KIAA0825: variants seen among roughly 807,000 people sequenced by gnomAD.
KIAA0825 encodes the protein uncharacterized protein KIAA0825.
Under a neutral mutation model 147.6 loss-of-function variants are expected in KIAA0825, and 119 were observed. The observed-to-expected ratio is 0.81, with a 90% CI of 0.69 to 0.94. The LOEUF is 0.94. Among genes scored for constraint, KIAA0825 ranks in the 40% least tolerant of loss-of-function variants. The pLI is 0.00. For missense variants in KIAA0825, 1,381 were observed against 1,472.7 expected, an observed-to-expected ratio of 0.94 and a Z score of 1.02; for synonymous variants, 470 against 518.1, an observed-to-expected ratio of 0.91 and a Z score of 1.26.
chr5:94,609,808 C>T (rs929757355), intron 1 of KIAA0825, among the ~76,000 whole-genome samples: 1 of 151,924 alleles, frequency 6.6e-6, no homozygotes, highest in African/African-American at 2.4e-5. Flanking sequence ...AGCCAGATTT[C>T]ATCTCAAAAA....
intron 20 of KIAA0825, among the ~76,000 whole-genome samples, chr5:94,374,588 A>G (rs953864790): frequency 2.0e-5 from 3 of 152,134 alleles, no homozygotes; most frequent in African/African-American, 7.2e-5. Context: ...CAAGCTGTTT[A>G]TAGCCAGTGT....
intron 20 of KIAA0825, among the ~76,000 whole-genome samples, chr5:94,267,015 C>T (rs1776765698): frequency 6.6e-6 from 1 of 152,038 alleles, no homozygotes; most frequent in Non-Finnish European, 1.5e-5. Context: ...ATAAAGGAAG[C>T]AAGGAAGGTG....
chr5:94,588,066 G>T (rs544101754), intron 1 of KIAA0825, among the ~76,000 whole-genome samples: 1 of 152,266 alleles, frequency 6.6e-6, no homozygotes, highest in East Asian at 1.9e-4. Context: ...AGACTTAAAT[G>T]TAAGACCTAA....
chr5:94,442,781 A>G (rs1445979231), intron 13 of KIAA0825, among the ~76,000 whole-genome samples: 1 of 152,168 alleles, frequency 6.6e-6, no homozygotes, highest in African/African-American at 2.4e-5. Flanking sequence ...CCATTTGATG[A>G]ACTGAAAGAT....
intron 2 of KIAA0825, among the ~76,000 whole-genome samples, chr5:94,555,617 GAATT>G (rs1470867206): frequency 1.3e-5 from 2 of 152,170 alleles, no homozygotes; most frequent in African/African-American, 4.8e-5. Context: ...CAAGCAAACA[GAATT>G]AATTGTCATG....
At chr5:94,328,911 C>A (rs1444916559) in intron 20 of KIAA0825, among the ~76,000 whole-genome samples, 2 of 152,052 alleles carry the variant, frequency 1.3e-5, no homozygotes, top group East Asian at 3.9e-4. Context: ...AATATGACTA[C>A]ACATGTAGAT....
chr5:94,288,868 C>CA (rs1188049402), intron 20 of KIAA0825, among the ~76,000 whole-genome samples: 1 of 152,118 alleles, frequency 6.6e-6, no homozygotes, highest in Non-Finnish European at 1.5e-5. Context: ...TAAGAATAAT[C>CA]ACAATTCTAT....
chr5:94,355,563 C>T lies in KIAA0825; in HGVS notation c.3710+28805G>A, dbSNP rs1439133765. Among the ~76,000 whole-genome samples, 4 of 152,120 alleles carry T rather than the reference C, an allele frequency of 2.6e-5. No individual in the cohort carries two copies. The East Asian group carries it at 7.7e-4, about 29-fold the overall frequency. On this transcript the variant is annotated intron_variant, in intron 20 of 20. Transcript: ENST00000682413. ...TTTGAGCAAAATAAAAAAATCAGAG[C>T]TTAGTCCTCAAAAATATGATTTGTA...
chr5:94,196,487 C>T (rs1771140425), intron 20 of KIAA0825, among the ~76,000 whole-genome samples: 1 of 150,274 alleles, frequency 6.7e-6, no homozygotes, highest in South Asian at 2.1e-4. Context: ...TATTTTAGGT[C>T]CAGAGGGTAC....
At chr5:94,269,249 C>T (rs562197396) in intron 20 of KIAA0825, among the ~76,000 whole-genome samples, 3 of 152,046 alleles carry the variant, frequency 2.0e-5, no homozygotes, top group South Asian at 4.2e-4. Flanking sequence ...TCATAGTAAC[C>T]TCAAAACAAA....
chr5:94,519,941 A>G (rs960630482), intron 5 of KIAA0825: 2 of 854,598 alleles, frequency 2.3e-6, no homozygotes, highest in Non-Finnish European at 2.9e-6. Flanking sequence ...ATTTATATAT[A>G]TGTGTGTATA....
chr5:94,537,645 C>T (rs1402785875), intron 2 of KIAA0825, among the ~76,000 whole-genome samples: 4 of 115,230 alleles, frequency 3.5e-5, no homozygotes, highest in Non-Finnish European at 3.4e-5. Context: ...AAGACTCTGT[C>T]TCAAAAAAAA....
chr5:94,607,841 C>T (rs1787778827), intron 1 of KIAA0825, among the ~76,000 whole-genome samples: 1 of 152,092 alleles, frequency 6.6e-6, no homozygotes. Flanking sequence ...TTGCATGTTC[C>T]AGCTTTAGAG....
At chr5:94,340,773 G>A (rs904188413) in intron 20 of KIAA0825, among the ~76,000 whole-genome samples, 1 of 152,150 alleles carries the variant, frequency 6.6e-6, no homozygotes, top group African/African-American at 2.4e-5. Flanking sequence ...ATAAACATCA[G>A]TTGAGCTCCT....
chr5:94,354,949 G>A (rs1027155124), intron 20 of KIAA0825, among the ~76,000 whole-genome samples: 8 of 152,172 alleles, frequency 5.3e-5, no homozygotes, highest in African/African-American at 1.9e-4. Context: ...TATATTTTAG[G>A]GAGGCATGAG....
At chr5:94,426,360 G>A (rs890376911) in intron 14 of KIAA0825, among the ~76,000 whole-genome samples, 8 of 152,094 alleles carry the variant, frequency 5.3e-5, no homozygotes, top group African/African-American at 1.9e-4. Flanking sequence ...TATGCAAAAT[G>A]GAATACTATT....
intron 20 of KIAA0825, among the ~76,000 whole-genome samples, chr5:94,224,125 G>A (rs1457268468): frequency 2.0e-5 from 2 of 99,154 alleles, no homozygotes; most frequent in South Asian, 3.5e-4. Context: ...AAAGAGTCTC[G>A]CTCTGTCACC....
intron 2 of KIAA0825, among the ~76,000 whole-genome samples, chr5:94,564,301 T>A (rs752328314): frequency 7.1e-6 from 1 of 141,464 alleles, no homozygotes; most frequent in Non-Finnish European, 1.5e-5. Flanking sequence ...AGCCTTGACC[T>A]CCTGGGCTCA....
intron 1 of KIAA0825, among the ~76,000 whole-genome samples, chr5:94,597,430 A>T (rs916860891): frequency 7.2e-5 from 11 of 152,220 alleles, no homozygotes; most frequent in Admixed American, 6.5e-4. Context: ...AATGCACCAA[A>T]AAAAGTGACA....
Sources: allele counts gnomAD v4.1 joint callset (sites outside exome capture counted in the v4.1 genomes callset), GRCh38; gene constraint gnomAD v4.1.1; transcripts MANE v1.5; gene names NCBI Gene and HGNC (gene_info 2026-07-23, HGNC 2026-07-21).